Variants in CYP4F3 observed in about 807,000 individuals in gnomAD.
CYP4F3 encodes cytochrome P450 4F3.
In CYP4F3, 50 loss-of-function variants were observed where a neutral mutation model predicts 54.8. The ratio of observed to expected loss-of-function variants is 0.91; its 90% confidence interval spans 0.73 to 1.16. The LOEUF (loss-of-function observed/expected upper bound fraction) is 1.16, where lower values mean the gene tolerates loss of function less well. Among genes scored for constraint, CYP4F3 ranks in the 50% most tolerant of loss-of-function variants. The pLI, the probability that CYP4F3 is intolerant of heterozygous loss-of-function variation, is 0.00. For missense variants in CYP4F3, 715 were observed against 676.2 expected (o/e 1.06, Z -0.64); for synonymous variants, 244 against 262.6 (o/e 0.93, Z 0.69).
At chr19:15,641,780 C>T (rs1462436700) in intron 2 of CYP4F3, among the ~76,000 whole-genome samples, 167 bp downstream of exon 2, 2 of 152,132 alleles carry the variant, frequency 1.3e-5, no homozygotes, top group Non-Finnish European at 2.9e-5. Flanking sequence ...AGGTGCCAAC[C>T]CAAGCCCTTC....
In CYP4F3 at chr19:15,662,665, A is replaced by G. The variant is rs1035386188; in HGVS notation, c.*3280A>G. The G allele has an allele frequency of 3.3e-5, 5 of 152,232 alleles. No individual in the cohort carries two copies. The highest frequency in any genetic ancestry group is 9.7e-5 in the African/African-American group (4 of 41,450). The allele number at this position is 152,232 out of a possible 1,614,324, so 9.4% of individuals were successfully genotyped here. ...ATAATGATATTGATTCTCCCAATTC[A>G]TGAATATAGTATACCCCTGTATTTA... On this transcript the variant is annotated 3_prime_UTR_variant, in exon 13 of 13. Transcript: ENST00000221307.
At position 15,649,094 on chromosome 19, in the gene CYP4F3, T is replaced by C. The variant is rs1325613609; in HGVS notation, c.526-66T>C. 3.1e-6 allele frequency: 5 copies of C among 1,598,422 alleles called. No homozygotes were observed. The African/African-American group carries it at 5.4e-5, about 17-fold the overall frequency. On this transcript the variant is annotated intron_variant, in intron 5 of 12. Coordinates refer to ENST00000221307, the MANE Select transcript of CYP4F3 (RefSeq NM_000896.3). ...TATTCTGGGGCGTGCATATTGATTG[T>C]TGGGGTTGGAGAGCTGCTCAAGGGA...
At chr19:15,642,850 TAGATGGATGGATGGAC>T (rs1426350049) in intron 2 of CYP4F3, among the ~76,000 whole-genome samples, 1 of 150,784 alleles carries the variant, frequency 6.6e-6, no homozygotes, top group African/African-American at 2.5e-5. Flanking sequence ...GATAACAGGA[TAGATGGATGGATGGAC>T]AGATGGATGC....
At chr19:15,643,309 A>AT (rs1362882221) in intron 2 of CYP4F3, among the ~76,000 whole-genome samples, 1 of 145,392 alleles carries the variant, frequency 6.9e-6, no homozygotes, top group Non-Finnish European at 1.5e-5. Flanking sequence ...AGGTAGATAG[A>AT]TAGATTAGAT....
chr19:15,653,735 G>GGAGAGAGAGAGAGAGAGAGAGA (rs60874509), intron 9 of CYP4F3, among the ~76,000 whole-genome samples: 1 of 111,768 alleles, frequency 8.9e-6, no homozygotes, highest in African/African-American at 3.4e-5. Flanking sequence ...AAGAGAGAGA[G>GGAGAGAGAGAGAGAGAGAGAGA]GAGAGAGAGA....
chr19:15,656,469 TTATCTATCTATCTATC>T (rs71176457), intron 9 of CYP4F3, among the ~76,000 whole-genome samples: 122 of 70,284 alleles, frequency 1.7e-3, no homozygotes, highest in Admixed American at 0.01. Context: ...ATAGATTTGT[TTATCTATCTATCTATC>T]TATCTATCTA....
rs1973185809 is a variant in CYP4F3 at position 15,661,598 on chromosome 19, C to T, written c.*2213C>T. On this transcript the variant is annotated 3_prime_UTR_variant, in exon 13 of 13. Transcript: ENST00000221307. ...TTCAATCATCTGCTCATTAAATTTT[C>T]CTTCGGTTGTTTGCCTTCTTATTGT... 1 of 152,170 alleles carries T rather than the reference C, an allele frequency of 6.6e-6. No individual in the cohort carries two copies. Among genetic ancestry groups the T allele is most frequent in the Admixed American group, 6.5e-5 (1 of 15,276 alleles). 9.4% of individuals were successfully genotyped at this position (152,170 alleles called of 1,614,324 possible). A position where few individuals can be genotyped will look rare whatever the true frequency, so the allele number is the denominator to read the frequency against.
At chr19:15,654,288 T>A (rs1972956134) in intron 9 of CYP4F3, among the ~76,000 whole-genome samples, 1 of 152,248 alleles carries the variant, frequency 6.6e-6, no homozygotes, top group South Asian at 2.1e-4. Flanking sequence ...TTGAAATACA[T>A]GTGATAATCT....
At chr19:15,642,287 A>C (rs1972487154) in intron 2 of CYP4F3, among the ~76,000 whole-genome samples, 2 of 152,174 alleles carry the variant, frequency 1.3e-5, no homozygotes, top group South Asian at 4.1e-4. Context: ...CCACAGGTGA[A>C]GTGGGAGGGT....
At chr19:15,657,805 T>C (rs1973067508) in intron 9 of CYP4F3, among the ~76,000 whole-genome samples, 2 of 152,212 alleles carry the variant, frequency 1.3e-5, no homozygotes, top group Admixed American at 1.3e-4. Flanking sequence ...TTATTATTTT[T>C]CCTCTTTTTC....
At chr19:15,652,267 ACCCAGGTTG>A (rs1302083125) in intron 7 of CYP4F3, among the ~76,000 whole-genome samples, 2 of 113,946 alleles carry the variant, frequency 1.8e-5, no homozygotes, top group African/African-American at 7.4e-5. Context: ...TTATCCTGTA[ACCCAGGTTG>A]CCAGTGATTT....
chr19:15,649,643 G>A (rs1688662683), intron 6 of CYP4F3, among the ~76,000 whole-genome samples: 1 of 152,124 alleles, frequency 6.6e-6, no homozygotes, highest in South Asian at 2.1e-4. Flanking sequence ...ACTGTATACT[G>A]GGAGGGAGAG....
chr19:15,658,299 G>A lies in CYP4F3; in HGVS notation c.1151G>A (p.Cys384Tyr), dbSNP rs761841046. Reference sequence around the variant, plus strand: ...GCCCAGCTGCCCTTCCTGACCATGTGCATTAAGGAGAGCCTGAGGCTGCAT... The same window carrying A: ...GCCCAGCTGCCCTTCCTGACCATGTACATTAAGGAGAGCCTGAGGCTGCAT... ...DLAQLPFLTMCIKESLRLHPP... is the reference protein window; with the variant it reads ...DLAQLPFLTMYIKESLRLHPP... Residue 384 changes from cysteine to tyrosine, a missense_variant, in exon 10 of 13, where the codon TGC becomes TAC. Cys to Tyr is a radical substitution (Grantham distance 194). Transcript: ENST00000221307. 5.0e-6 allele frequency: 8 copies of A among 1,614,024 alleles called. No individual in the cohort carries two copies. The highest frequency in any genetic ancestry group is 5.9e-6 in the Non-Finnish European group (7 of 1,180,034).
chr19:15,656,501 CTATCTATCTATCTATCTATCTAT>C (rs1162493196), intron 9 of CYP4F3, among the ~76,000 whole-genome samples: 42 of 72,888 alleles, frequency 5.8e-4, no homozygotes, highest in African/African-American at 2.8e-3. Context: ...ATCTATCTAT[CTATCTATCTATCTATCTATCTAT>C]TTCTATCATC....
chr19:15,643,443 T>C (rs1972532794), intron 2 of CYP4F3, among the ~76,000 whole-genome samples: 1 of 151,460 alleles, frequency 6.6e-6, no homozygotes, highest in African/African-American at 2.4e-5. Flanking sequence ...GATAGATAGA[T>C]AGATAGATAG....
rs1250367260 is a variant in CYP4F3, at chr19:15,658,267, C to T, written c.1119C>T (p.Asp373=). 13 of 1,613,926 alleles carry T rather than the reference C, an allele frequency of 8.1e-6. No individual in the cohort carries two copies. The highest frequency in any genetic ancestry group is 2.2e-5 in the East Asian group (1 of 44,852). The change falls in exon 10 of 13, where the codon GAC becomes GAT. Residue 373 remains aspartate, a synonymous_variant. Transcript: ENST00000221307. ...KDREPKEIEW[D]DLAQLPFLTM... is the part of the protein sequence containing the mutation. ...TGGGGCTGGGGTGTTTCCTTAGGGACGACCTGGCCCAGCTGCCCTTCCTGA... is the reference window on the plus strand; with the variant it reads ...TGGGGCTGGGGTGTTTCCTTAGGGATGACCTGGCCCAGCTGCCCTTCCTGA...
At position 15,659,238 on chromosome 19, in the gene CYP4F3, G is replaced by C; in HGVS notation, c.1416G>C (p.Ala472=). ...CCCCAAGGAACTGCATCGGGCAGGC[G>C]TTCGCGATGGCGGAGATGAAGGTGG... is the stretch of plus-strand genomic sequence containing the variant. The part of the protein sequence containing the change: ...SAGPRNCIGQ[A]FAMAEMKVVL... Residue 472 remains alanine, a synonymous_variant, in exon 13 of 13, where the codon GCG becomes GCC. Transcript: ENST00000221307. The C allele has an allele frequency of 6.2e-7, 1 of 1,610,564 alleles. No individual in the cohort carries two copies. Among genetic ancestry groups the C allele is most frequent in the Non-Finnish European group, 8.5e-7 (1 of 1,179,106 alleles).
At chr19:15,646,444 A>C (rs1972627519) in intron 3 of CYP4F3, among the ~76,000 whole-genome samples, 1 of 152,176 alleles carries the variant, frequency 6.6e-6, no homozygotes, top group African/African-American at 2.4e-5. Flanking sequence ...CGTGAGGAAC[A>C]GTCTGGGTCA....
At chr19:15,656,530 T>TG (rs1973022605) in intron 9 of CYP4F3, among the ~76,000 whole-genome samples, 1 of 140,732 alleles carries the variant, frequency 7.1e-6, no homozygotes, top group Non-Finnish European at 1.6e-5. Flanking sequence ...TCTATTTCTA[T>TG]CATCTATCAA....
Sources: allele counts gnomAD v4.1 joint callset (sites outside exome capture counted in the v4.1 genomes callset), GRCh38; gene constraint gnomAD v4.1.1; transcripts MANE v1.5; gene names NCBI Gene and HGNC (gene_info 2026-07-23, HGNC 2026-07-21).